The following SULF1 variants were observed in gnomAD, a reference collection of about 807,000 sequenced individuals.
SULF1 encodes the protein extracellular sulfatase Sulf-1.
Under a neutral mutation model 110.5 loss-of-function variants are expected in SULF1, and 46 were observed. That is an observed-to-expected ratio of 0.42 (90% CI 0.33 to 0.53). The LOEUF (loss-of-function observed/expected upper bound fraction) is 0.53. Among genes scored for constraint, SULF1 ranks in the 20% least tolerant of loss-of-function variants. SULF1 has a pLI of 0.12. For missense variants in SULF1, 941 were observed against 1,094.2 expected (o/e 0.86, Z 1.98); for synonymous variants, 371 against 387.1 (o/e 0.96, Z 0.49).
intron 8 of SULF1, among the ~76,000 whole-genome samples, chr8:69,600,146 A>G (rs909955747): frequency 2.0e-5 from 3 of 152,242 alleles, no homozygotes; most frequent in African/African-American, 7.2e-5. Context: ...AGGAGAAAAA[A>G]TGTGTTGAAA....
In SULF1 at chr8:69,629,569, A is replaced by G. The variant is rs1466095225; in HGVS notation, c.2174A>G (p.Lys725Arg). Reference sequence around the variant, plus strand: ...AAGGAGAACAACCGTAGGAGGAAGAAGGAGAGGAAGGAGAAGAGACGGCAG... The same window carrying G: ...AAGGAGAACAACCGTAGGAGGAAGAGGGAGAGGAAGGAGAAGAGACGGCAG... ...LFKENNRRRK[K>R]ERKEKRRQRK... is the part of the protein sequence containing the mutation. The change falls in exon 19 of 23, where the codon AAG becomes AGG. Residue 725 changes from lysine (K) to arginine (R), a missense_variant. Physicochemically the swap from Lys to Arg is conservative, Grantham distance 26. Around this residue, in one of 3 missense-constraint regions of SULF1, gnomAD observed 822 missense variants for 934.3 expected, o/e 0.88. Transcript: ENST00000402687. 2 of 1,614,102 alleles carry G rather than the reference A, an allele frequency of 1.2e-6. No individual in the cohort carries two copies. The highest frequency in any genetic ancestry group is 2.2e-5 in the East Asian group (1 of 44,884).
chr8:69,492,172 T>C (rs1035672249), upstream of SULF1, among the ~76,000 whole-genome samples: 6 of 151,730 alleles, frequency 4.0e-5, no homozygotes, highest in African/African-American at 1.5e-4. Flanking sequence ...GACAGGATAA[T>C]AATAATTTAA....
intron 1 of SULF1, among the ~76,000 whole-genome samples, chr8:69,493,858 T>C (rs1420211542): frequency 6.6e-6 from 1 of 152,196 alleles, no homozygotes; most frequent in Non-Finnish European, 1.5e-5. Context: ...ATTAACAGAG[T>C]ACTCTTCTCA....
In SULF1 at chr8:69,660,830, T is replaced by G. The variant is rs1813051633; in HGVS notation, c.*2295T>G. On this transcript the variant is annotated 3_prime_UTR_variant, in exon 23 of 23. Transcript: ENST00000402687. ...CTCTGTTTTTTAATCATGTATAATATTCCATGATACTTTTATAGAACAATT... is the reference window on the plus strand; with the variant it reads ...CTCTGTTTTTTAATCATGTATAATAGTCCATGATACTTTTATAGAACAATT... The G allele has an allele frequency of 6.5e-6, 1 of 152,686 alleles. No individual in the cohort carries two copies. The highest frequency in any genetic ancestry group is 2.4e-5 in the African/African-American group (1 of 41,476). 9.5% of individuals were successfully genotyped at this position (152,686 alleles called of 1,614,324 possible). A position where few individuals can be genotyped will look rare whatever the true frequency, so the allele number is the denominator to read the frequency against.
At chr8:69,647,929 C>T (rs1402657005) in intron 22 of SULF1, among the ~76,000 whole-genome samples, 1 of 151,072 alleles carries the variant, frequency 6.6e-6, no homozygotes, top group Non-Finnish European at 1.5e-5. Flanking sequence ...TTACTATGGC[C>T]AATTCTGATT....
intron 3 of SULF1, among the ~76,000 whole-genome samples, chr8:69,513,859 T>C (rs1345560463): frequency 6.6e-6 from 1 of 152,132 alleles, no homozygotes; most frequent in African/African-American, 2.4e-5. Context: ...GAGAGACAAA[T>C]AGTAACACAC....
At chr8:69,619,788 C>T (rs1242916916) in intron 13 of SULF1, among the ~76,000 whole-genome samples, 4 of 152,186 alleles carry the variant, frequency 2.6e-5, no homozygotes, top group Admixed American at 1.3e-4. Context: ...AGGGGGAGCA[C>T]GCAGATAGGC....
chr8:69,471,255 A>G (rs1809071755), intron 1 of SULF1, among the ~76,000 whole-genome samples: 1 of 152,192 alleles, frequency 6.6e-6, no homozygotes, highest in Non-Finnish European at 1.5e-5. Flanking sequence ...GGTCCACTTT[A>G]ATGACCCACA....
At chr8:69,518,705 G>T (rs993403172) in intron 3 of SULF1, among the ~76,000 whole-genome samples, 2 of 152,118 alleles carry the variant, frequency 1.3e-5, no homozygotes, top group Non-Finnish European at 2.9e-5. Flanking sequence ...CCTCATGTGT[G>T]ATCAATGAGT....
At chr8:69,588,224 C>A (rs1262469619) in intron 7 of SULF1, among the ~76,000 whole-genome samples, 1 of 152,214 alleles carries the variant, frequency 6.6e-6, no homozygotes, top group Admixed American at 6.5e-5. Flanking sequence ...TCAGCCCCCC[C>A]TGACTGTGGG....
chr8:69,645,281 C>A (rs1811808211), intron 22 of SULF1, among the ~76,000 whole-genome samples: 1 of 152,126 alleles, frequency 6.6e-6, no homozygotes, highest in Admixed American at 6.5e-5. Flanking sequence ...TCTTACCTTT[C>A]CAATAGTGAC....
chr8:69,468,646 A>G (rs918577580), intron 1 of SULF1, among the ~76,000 whole-genome samples: 1 of 152,200 alleles, frequency 6.6e-6, no homozygotes, highest in Admixed American at 6.5e-5. Context: ...TGGCTTTACA[A>G]TGGAAATGAG....
intron 3 of SULF1, among the ~76,000 whole-genome samples, chr8:69,502,879 G>A (rs998726090): frequency 6.6e-6 from 1 of 151,700 alleles, no homozygotes; most frequent in Non-Finnish European, 1.5e-5. Flanking sequence ...CAGAGATGGG[G>A]TTTCACCATG....
intron 7 of SULF1, among the ~76,000 whole-genome samples, chr8:69,588,115 C>T (rs1337292658): frequency 6.6e-6 from 1 of 152,200 alleles, no homozygotes; most frequent in Non-Finnish European, 1.5e-5. Flanking sequence ...TACTGGAGCT[C>T]CAAGCCAATG....
chr8:69,551,745 T>C (rs1281982943), intron 3 of SULF1, among the ~76,000 whole-genome samples: 2 of 152,210 alleles, frequency 1.3e-5, no homozygotes, highest in African/African-American at 2.4e-5. Flanking sequence ...GGTTGATCGC[T>C]GTACTCTAGA....
At chr8:69,594,856 A>G (rs959041522) in intron 8 of SULF1, among the ~76,000 whole-genome samples, 5 of 152,162 alleles carry the variant, frequency 3.3e-5, no homozygotes, top group Admixed American at 3.3e-4. Flanking sequence ...CGAGTTGCAC[A>G]ACTCCAGGGG....
intron 3 of SULF1, among the ~76,000 whole-genome samples, chr8:69,522,071 G>A (rs1273126061): frequency 6.7e-6 from 1 of 149,894 alleles, no homozygotes; most frequent in Non-Finnish European, 1.5e-5. Context: ...TTTTTTTTGA[G>A]ACAGCATCTT....
intron 3 of SULF1, among the ~76,000 whole-genome samples, chr8:69,510,213 G>A (rs912523168): frequency 2.6e-5 from 4 of 152,160 alleles, no homozygotes; most frequent in African/African-American, 4.8e-5. Context: ...GCGTTCAAGA[G>A]TTATCACCCA....
chr8:69,531,525 T>A (rs957067530), intron 3 of SULF1, among the ~76,000 whole-genome samples: 6 of 152,208 alleles, frequency 3.9e-5, no homozygotes, highest in Non-Finnish European at 8.8e-5. Flanking sequence ...TCGAATTTTT[T>A]AATATCATGT....
Sources: gnomAD v4.1 joint callset for allele counts (sites outside exome capture counted in the v4.1 genomes callset) on GRCh38, gnomAD v4.1.1 for gene constraint, gnomAD v4.1.1 regional missense constraint, MANE v1.5 for transcripts, NCBI Gene and HGNC (gene_info 2026-07-23, HGNC 2026-07-21) for gene names.